Variants in PTP4A3 observed in about 807,000 individuals in gnomAD.
The protein encoded by PTP4A3 is protein tyrosine phosphatase type IVA 3.
In PTP4A3, 9 loss-of-function variants were observed where a neutral mutation model predicts 15.2. That is an observed-to-expected ratio of 0.59 (90% CI 0.36 to 1.03). The LOEUF (loss-of-function observed/expected upper bound fraction) is 1.03, where lower values mean the gene tolerates loss of function less well. Ranked by LOEUF, PTP4A3 falls within the 50% of genes least tolerant of loss-of-function variation. The pLI is 0.02. For synonymous variants in PTP4A3, 95 were observed against 102.0 expected (o/e 0.93, Z 0.41); for missense variants, 234 against 252.1 (o/e 0.93, Z 0.49).
At chr8:141,399,606 C>G (rs893859674) in intron 1 of PTP4A3, among the ~76,000 whole-genome samples, 1 of 152,238 alleles carries the variant, frequency 6.6e-6, no homozygotes, top group Non-Finnish European at 1.5e-5. Context: ...AGACCCCGGC[C>G]CCCACAGCAG....
In PTP4A3 at chr8:141,417,530, C is replaced by G. The variant is rs192684236; in HGVS notation, c.-853-3858C>G. On this transcript the variant is annotated intron_variant, in intron 1 of 5. Coordinates refer to ENST00000521578, the MANE Select transcript of PTP4A3 (RefSeq NM_032611.3). ...GCTGGGCGCGCTCTGTCCAGGCCTC[C>G]CCACCAGGAGCGCGGCCCGGCGGCT... Among the ~76,000 whole-genome samples the G allele has an allele frequency of 8.7e-3, 1,328 of 152,234 alleles. 20 individuals carry two copies. Among genetic ancestry groups the G allele is most frequent in the African/African-American group, 0.03 (1,251 of 41,560 alleles).
Position 141,425,205 on chromosome 8 carries a change from C to T in PTP4A3, c.198+65C>T, listed in dbSNP as rs1586565172. On this transcript the variant is annotated intron_variant, in intron 3 of 5. Transcript: ENST00000521578. The surrounding 1 kb of genome is among the most constrained non-coding windows in gnomAD (Gnocchi z 4.2). ...CCGGGGGAGGGTGGGGCGGGGGGCTCCGGGCCTGCGCAGAGGGTTTGGTGC... is the reference window on the plus strand; with the variant it reads ...CCGGGGGAGGGTGGGGCGGGGGGCTTCGGGCCTGCGCAGAGGGTTTGGTGC... 7.1e-7 allele frequency: 1 copy of T among 1,411,236 alleles called. No individual in the cohort carries two copies. The highest frequency in any genetic ancestry group is 9.8e-7 in the Non-Finnish European group (1 of 1,017,144). 87.4% of individuals were successfully genotyped at this position (1,411,236 alleles called of 1,614,324 possible).
At chr8:141,413,871 A>AGTGTAAAGATGCTGTG (rs1322269274) in intron 1 of PTP4A3, among the ~76,000 whole-genome samples, 4 of 150,786 alleles carry the variant, frequency 2.7e-5, no homozygotes, top group African/African-American at 9.8e-5. Flanking sequence ...AAGATGCGGT[A>AGTGTAAAGATGCTGTG]TGGACAGGAG....
chr8:141,410,890 C>T (rs928532676), intron 1 of PTP4A3, among the ~76,000 whole-genome samples: 4 of 152,202 alleles, frequency 2.6e-5, no homozygotes, highest in African/African-American at 4.8e-5. Flanking sequence ...GAGAACCCAC[C>T]TGCCTTGGCT....
intron 1 of PTP4A3, among the ~76,000 whole-genome samples, chr8:141,398,586 C>T (rs1832507861): frequency 6.6e-6 from 1 of 152,076 alleles, no homozygotes; most frequent in Admixed American, 6.5e-5. Flanking sequence ...AAGTCTCTAA[C>T]CCTGGGAGTT....
At chr8:141,393,553 C>T (rs1832354939) in intron 1 of PTP4A3, among the ~76,000 whole-genome samples, 2 of 152,220 alleles carry the variant, frequency 1.3e-5, no homozygotes, top group Non-Finnish European at 2.9e-5. Context: ...CTGAGCGGGG[C>T]AGGTTGCGGA....
chr8:141,429,253 G>A (rs1475375169), intron 5 of PTP4A3, among the ~76,000 whole-genome samples: 1 of 152,276 alleles, frequency 6.6e-6, no homozygotes, highest in East Asian at 1.9e-4. Flanking sequence ...CTGCAGCTTT[G>A]CTGGGCAGAG....
intron 1 of PTP4A3, among the ~76,000 whole-genome samples, chr8:141,397,270 A>T (rs1371248177): frequency 6.6e-6 from 1 of 152,212 alleles, no homozygotes; most frequent in African/African-American, 2.4e-5. Context: ...TGCCCATTGT[A>T]CAATGAGAGG....
intron 1 of PTP4A3, among the ~76,000 whole-genome samples, chr8:141,399,195 C>T (rs1029177537): frequency 5.3e-5 from 8 of 152,226 alleles, no homozygotes; most frequent in Non-Finnish European, 7.3e-5. Flanking sequence ...CCCCTAGAGC[C>T]GGTGCCTCTT....
chr8:141,426,408 G>A, intron 3 of PTP4A3: 1 of 984,250 alleles, frequency 1.0e-6, no homozygotes, highest in Non-Finnish European at 1.2e-6. Context: ...GGAACCGCCT[G>A]TTTCGAGTCC....
rs1833854615 is a variant in PTP4A3, at chr8:141,431,112, C to T, written c.*68C>T. 9 of 1,478,738 alleles carry T rather than the reference C, an allele frequency of 6.1e-6. No homozygotes were observed. Among genetic ancestry groups the T allele is most frequent in the Non-Finnish European group, 8.5e-6 (9 of 1,061,250 alleles). 91.6% of individuals were successfully genotyped at this position (1,478,738 alleles called of 1,614,324 possible). On this transcript the variant is annotated 3_prime_UTR_variant, in exon 6 of 6. Transcript: ENST00000521578. ...CTTGGCTGGACCTGGAGGCCCTGCC[C>T]AGCCCTGCTCTGCCCAGCCCAGCAG...
In PTP4A3 at chr8:141,402,173, A is replaced by G. The variant is rs549255065; in HGVS notation, c.-854+10089A>G. Among the ~76,000 whole-genome samples, 85 of 152,284 alleles carry G rather than the reference A, an allele frequency of 5.6e-4. 1 individual carries two copies. Among genetic ancestry groups the G allele is most frequent in the Non-Finnish European group, 1.1e-3 (73 of 68,006 alleles). ...CCCTGGGTGACGGGTCTGAGGCTGC[A>G]AGGTGTGGGTGGAGCAGGTGAAGGG... is the stretch of plus-strand genomic sequence containing the variant. On this transcript the variant is annotated intron_variant, in intron 1 of 5. Coordinates refer to ENST00000521578, the MANE Select transcript of PTP4A3 (RefSeq NM_032611.3).
intron 1 of PTP4A3, among the ~76,000 whole-genome samples, chr8:141,395,993 T>A (rs1436873954): frequency 6.6e-6 from 1 of 152,180 alleles, no homozygotes; most frequent in South Asian, 2.1e-4. Flanking sequence ...TCTCCCACCC[T>A]GTCCTGGCCA....
chr8:141,419,798 T>G (rs1381182936), intron 1 of PTP4A3, among the ~76,000 whole-genome samples: 3 of 152,114 alleles, frequency 2.0e-5, no homozygotes, highest in Non-Finnish European at 4.4e-5. Context: ...AGGCTGGTCT[T>G]GAACTCCTGA....
intron 1 of PTP4A3, among the ~76,000 whole-genome samples, chr8:141,416,812 A>G (rs979949793): frequency 6.7e-6 from 1 of 148,478 alleles, no homozygotes; most frequent in African/African-American, 2.5e-5. Flanking sequence ...GGCCAGGCTG[A>G]TGGTGATGTT....
At chr8:141,430,838 C>A in intron 5 of PTP4A3, 89 bp from the exon 6 acceptor site, 1 of 1,302,214 alleles carries the variant, frequency 7.7e-7, no homozygotes, top group Non-Finnish European at 1.1e-6. Context: ...CTCCAGCCCA[C>A]TGCACTCTCA....
rs1284582080 is a variant in PTP4A3, at chr8:141,417,266, C to T, written c.-853-4122C>T. Reference sequence around the variant, plus strand: ...CAGGGTGTTCCTCGTTGCAGTGCCTCAGTTTCCTCACCAGTACGCTAGGAG... The same window carrying T: ...CAGGGTGTTCCTCGTTGCAGTGCCTTAGTTTCCTCACCAGTACGCTAGGAG... On this transcript the variant is annotated intron_variant, in intron 1 of 5. Transcript: ENST00000521578. Among the ~76,000 whole-genome samples the T allele has an allele frequency of 2.0e-5, 3 of 152,300 alleles. No individual in the cohort carries two copies. The South Asian group carries it at 6.2e-4, about 32-fold the overall frequency.
At position 141,427,772 on chromosome 8, in the gene PTP4A3, G is replaced by T. The variant is rs1282918872; in HGVS notation, c.352G>T (p.Ala118Ser). 1 of 1,551,674 alleles carries T rather than the reference G, an allele frequency of 6.4e-7. No homozygotes were observed. Among genetic ancestry groups the T allele is most frequent in the South Asian group, 1.2e-5 (1 of 84,198 alleles). Residue 118 changes from alanine to serine, a missense_variant, in exon 5 of 6, where the codon GCC (alanine) becomes TCC (serine). Ala to Ser is a moderately conservative substitution (Grantham distance 99). Coordinates refer to ENST00000521578, the MANE Select transcript of PTP4A3 (RefSeq NM_032611.3). ...LGRAPVLVAL[A>S]LIESGMKYED... is the part of the protein sequence containing the mutation. ...CAGGGCTCCAGTCCTTGTGGCGCTGGCCCTTATTGAGAGCGGGATGAAGTA... is the reference window on the plus strand; with the variant it reads ...CAGGGCTCCAGTCCTTGTGGCGCTGTCCCTTATTGAGAGCGGGATGAAGTA...
chr8:141,406,584 G>T lies in PTP4A3; in HGVS notation c.-854+14500G>T, dbSNP rs1487993739. On this transcript the variant is annotated intron_variant, in intron 1 of 5. Transcript: ENST00000521578. The surrounding 1 kb of genome is among the most constrained non-coding windows in gnomAD (Gnocchi z 4.5). Reference sequence around the variant, plus strand: ...TTGGACCAATTAGGCCAACTCTGGGGATATGTGACCCCAGTGTTTGTGATC... The same window carrying T: ...TTGGACCAATTAGGCCAACTCTGGGTATATGTGACCCCAGTGTTTGTGATC... Among the ~76,000 whole-genome samples the T allele has an allele frequency of 6.6e-6, 1 of 152,160 alleles. No individual in the cohort carries two copies. Among genetic ancestry groups the T allele is most frequent in the African/African-American group, 2.4e-5 (1 of 41,422 alleles).
Sources: gnomAD v4.1 joint callset for allele counts (sites outside exome capture counted in the v4.1 genomes callset) on GRCh38, gnomAD v4.1.1 for gene constraint, Gnocchi (gnomAD v3.1) non-coding constraint, MANE v1.5 for transcripts, NCBI Gene and HGNC (gene_info 2026-07-23, HGNC 2026-07-21) for gene names.